SLC39A11: variants seen among roughly 807,000 people sequenced by gnomAD.
SLC39A11 encodes the protein solute carrier family 39 member 11, also known as zinc transporter ZIP11.
SLC39A11 carries 33 observed loss-of-function variants against 36.1 expected under a neutral mutation model. That is an observed-to-expected ratio of 0.91 (90% CI 0.69 to 1.22). The LOEUF (loss-of-function observed/expected upper bound fraction) is 1.22. Ranked by LOEUF, SLC39A11 falls within the 50% of genes most tolerant of loss-of-function variation. The pLI is 0.00. For missense variants in SLC39A11, 432 were observed against 430.3 expected (o/e 1.00, Z -0.03); for synonymous variants, 166 against 170.3 (o/e 0.97, Z 0.20).
rs1159045426 is a variant in SLC39A11 at position 72,864,014 on chromosome 17, C to T, written c.431-14210G>A. ...TAAACCACTGAGACTGAACCCTCTC[C>T]TCTCACCATACTCAAGCAAAAAGCA... On this transcript the variant is annotated intron_variant, in intron 5 of 9. Coordinates refer to ENST00000255559, the MANE Select transcript of SLC39A11 (RefSeq NM_139177.4). Among the ~76,000 whole-genome samples the T allele has an allele frequency of 2.6e-5, 4 of 152,218 alleles. No individual in the cohort carries two copies. The East Asian group carries it at 7.7e-4, about 29-fold the overall frequency.
chr17:73,083,509 G>A (rs1000003818), intron 3 of SLC39A11, among the ~76,000 whole-genome samples: 2 of 152,122 alleles, frequency 1.3e-5, no homozygotes, highest in African/African-American at 4.8e-5. Flanking sequence ...CACGCCTTTT[G>A]ATATGGGTAA....
rs1042706489 is a variant in SLC39A11 at position 72,700,516 on chromosome 17, G to A, written c.671+36134C>T. On this transcript the variant is annotated intron_variant, in intron 7 of 9. Coordinates refer to ENST00000255559, the MANE Select transcript of SLC39A11 (RefSeq NM_139177.4). Reference sequence around the variant, plus strand: ...GCGGGGCTGGGGACTGCCAGGGAAGGGACACAGGAGTCAGAATGCACAGCC... The same window carrying A: ...GCGGGGCTGGGGACTGCCAGGGAAGAGACACAGGAGTCAGAATGCACAGCC... Among the ~76,000 whole-genome samples the A allele has an allele frequency of 3.3e-5, 5 of 152,214 alleles. No individual in the cohort carries two copies. In the East Asian group the frequency reaches 9.6e-4, roughly 29 times the overall value.
At chr17:72,942,948 A>C (rs757604503) in intron 5 of SLC39A11, among the ~76,000 whole-genome samples, 4 of 152,254 alleles carry the variant, frequency 2.6e-5, no homozygotes, top group Non-Finnish European at 4.4e-5. Context: ...ACACGTAAGC[A>C]GTAGTAAAAC....
intron 5 of SLC39A11, among the ~76,000 whole-genome samples, chr17:72,908,113 G>C (rs988896300): frequency 6.6e-6 from 1 of 152,148 alleles, no homozygotes; most frequent in Non-Finnish European, 1.5e-5. Flanking sequence ...GAGACATCAG[G>C]CTATGTTCTG....
intron 4 of SLC39A11, among the ~76,000 whole-genome samples, chr17:72,957,810 C>A (rs559223933): frequency 4.7e-4 from 53 of 112,528 alleles, no homozygotes; most frequent in East Asian, 5.9e-4. Context: ...CAAAGGGAGA[C>A]CCTGTCTCAA....
At chr17:72,859,535 G>A (rs923337294) in intron 5 of SLC39A11, among the ~76,000 whole-genome samples, 2 of 152,008 alleles carry the variant, frequency 1.3e-5, no homozygotes, top group Non-Finnish European at 2.9e-5. Flanking sequence ...GGACAAGGGA[G>A]ACCAGGACTT....
chr17:72,721,414 T>G (rs1183166933), intron 7 of SLC39A11, among the ~76,000 whole-genome samples: 1 of 152,164 alleles, frequency 6.6e-6, no homozygotes, highest in African/African-American at 2.4e-5. Context: ...CTGCCCTTAC[T>G]AGCTACGGGG....
chr17:72,833,623 G>A (rs549146300), intron 6 of SLC39A11, among the ~76,000 whole-genome samples: 9 of 152,324 alleles, frequency 5.9e-5, no homozygotes, highest in African/African-American at 2.2e-4. Flanking sequence ...AGTCACAGGA[G>A]GCTGTTCTGT....
Position 72,849,586 on chromosome 17 carries a change from G to A in SLC39A11, c.601+48C>T, listed in dbSNP as rs1056378693. The A allele has an allele frequency of 2.8e-6, 4 of 1,448,510 alleles. No homozygotes were observed. The African/African-American group carries it at 4.3e-5, about 16-fold the overall frequency. 89.7% of individuals were successfully genotyped at this position (1,448,510 alleles called of 1,614,324 possible). A position where few individuals can be genotyped will look rare whatever the true frequency, so the allele number is the denominator to read the frequency against. ...CAGCCAGACAACTGTGCTGACAAAT[G>A]ACTTTACCTTCAGGCAGTGGCTGTC... On this transcript the variant is annotated intron_variant, in intron 6 of 9. Coordinates refer to ENST00000255559, the MANE Select transcript of SLC39A11 (RefSeq NM_139177.4).
chr17:73,047,747 C>A (rs1219025763), intron 3 of SLC39A11, among the ~76,000 whole-genome samples: 1 of 151,574 alleles, frequency 6.6e-6, no homozygotes, highest in Non-Finnish European at 1.5e-5. Context: ...GCGGGCAGAT[C>A]ACTTGAGGTC....
At chr17:73,062,475 A>AAAAAAAAAAAAAAAAAAAAAACAAAAC (rs56021607) in intron 3 of SLC39A11, among the ~76,000 whole-genome samples, 2 of 87,034 alleles carry the variant, frequency 2.3e-5, no homozygotes, top group African/African-American at 9.1e-5. Flanking sequence ...AAAAAAAAAA[A>AAAAAAAAAAAAAAAAAAAAAACAAAAC]AAACTTTAGG....
At chr17:72,975,483 C>A (rs959200005) in intron 4 of SLC39A11, among the ~76,000 whole-genome samples, 3 of 152,088 alleles carry the variant, frequency 2.0e-5, no homozygotes, top group Non-Finnish European at 4.4e-5. Flanking sequence ...ATAAAGAGGT[C>A]TTAGAGAGCT....
At chr17:72,776,303 G>A (rs2076128290) in intron 6 of SLC39A11, among the ~76,000 whole-genome samples, 1 of 152,144 alleles carries the variant, frequency 6.6e-6, no homozygotes, top group African/African-American at 2.4e-5. Flanking sequence ...GGCAAGCACT[G>A]AACAAAACCA....
At chr17:72,849,161 T>C (rs2079181784) in intron 6 of SLC39A11, among the ~76,000 whole-genome samples, 1 of 152,158 alleles carries the variant, frequency 6.6e-6, no homozygotes, top group South Asian at 2.1e-4. Context: ...CTCTTCACAT[T>C]GAGTCAGCTG....
chr17:72,922,934 C>A (rs1479464351), intron 5 of SLC39A11, among the ~76,000 whole-genome samples: 1 of 124,188 alleles, frequency 8.1e-6, no homozygotes, highest in Admixed American at 1.0e-4. Context: ...CGCCACCAGC[C>A]TGGGTGATAG....
At chr17:73,074,927 C>A (rs1345071474) in intron 3 of SLC39A11, among the ~76,000 whole-genome samples, 1 of 152,134 alleles carries the variant, frequency 6.6e-6, no homozygotes, top group Non-Finnish European at 1.5e-5. Flanking sequence ...TCCTATTATT[C>A]CTTATAAGTG....
At position 73,019,985 on chromosome 17, in the gene SLC39A11, A is replaced by G. The variant is rs185606906; in HGVS notation, c.306+11571T>C. On this transcript the variant is annotated intron_variant, in intron 4 of 9. Transcript: ENST00000255559. ...CTATATTAATATCAGGACAAAGTAG[A>G]CTTCAGGACAAAAAGTATTATAACT... Among the ~76,000 whole-genome samples the G allele has an allele frequency of 2.4e-4, 37 of 152,336 alleles. No individual in the cohort carries two copies. In the East Asian group the frequency reaches 7.1e-3, roughly 29 times the overall value.
intron 6 of SLC39A11, among the ~76,000 whole-genome samples, chr17:72,804,822 C>A (rs1423006056): frequency 3.3e-5 from 5 of 152,288 alleles, no homozygotes; most frequent in Middle Eastern, 3.4e-3. Flanking sequence ...GGGATCAAGA[C>A]CATCCTGGCC....
chr17:72,737,371 G>A (rs1049989171), intron 6 of SLC39A11, among the ~76,000 whole-genome samples: 2 of 152,182 alleles, frequency 1.3e-5, no homozygotes, highest in African/African-American at 2.4e-5. Flanking sequence ...ATTGGCTGAC[G>A]AAATGTTTAT....
Sources: allele counts gnomAD v4.1 joint callset (sites outside exome capture counted in the v4.1 genomes callset), GRCh38; gene constraint gnomAD v4.1.1; transcripts MANE v1.5; gene names NCBI Gene and HGNC (gene_info 2026-07-23, HGNC 2026-07-21).